FRMD4A: variants seen among roughly 807,000 people sequenced by gnomAD.
FRMD4A encodes the protein FERM domain-containing protein 4A.
FRMD4A carries 29 observed loss-of-function variants against 129.1 expected under a neutral mutation model. The ratio of observed to expected loss-of-function variants is 0.22; its 90% CI spans 0.17 to 0.31. The LOEUF is 0.31. Among genes scored for constraint, FRMD4A ranks in the 10% least tolerant of loss-of-function variants. FRMD4A has a pLI of 1.00. For synonymous variants in FRMD4A, 634 were observed against 571.6 expected (o/e 1.11, Z -1.56); for missense variants, 1,272 against 1,375.8 (o/e 0.92, Z 1.19).
At chr10:13,784,906 G>A (rs1006397507) in intron 5 of FRMD4A, among the ~76,000 whole-genome samples, 2 of 149,962 alleles carry the variant, frequency 1.3e-5, no homozygotes, top group Non-Finnish European at 2.9e-5. Context: ...CAGAAGAATC[G>A]CTTGAACCCA....
At chr10:13,999,465 A>T (rs939439447) in intron 2 of FRMD4A, among the ~76,000 whole-genome samples, 1 of 152,214 alleles carries the variant, frequency 6.6e-6, no homozygotes, top group Non-Finnish European at 1.5e-5. Context: ...ATTTTCTAGC[A>T]ATGATCAATA....
rs1554808602 is a variant in FRMD4A, at chr10:14,316,524, A to AAAG, written c.45+13531_45+13533dup. 5.5e-3 allele frequency among the ~76,000 whole-genome samples: 729 copies of AAAG among 132,618 alleles called. 121 individuals carry two copies. The highest frequency in any genetic ancestry group is 8.3e-3 in the East Asian group (37 of 4,440). The allele number at this position is 132,618 out of a possible 152,430, so 87.0% of individuals were successfully genotyped here. ...TGATAGCAGCAAAAAAAAAAAAAAA[A>AAAG]AAGAAGAAGAAGAAGAAGAAACCAG... On this transcript the variant is annotated intron_variant, in intron 2 of 24. Coordinates refer to ENST00000357447, the MANE Select transcript of FRMD4A (RefSeq NM_018027.5).
At chr10:13,975,318 G>A (rs2095538200) in intron 2 of FRMD4A, among the ~76,000 whole-genome samples, 1 of 151,760 alleles carries the variant, frequency 6.6e-6, no homozygotes, top group African/African-American at 2.4e-5. Context: ...GTATGTGTGT[G>A]TGTGCCTATC....
chr10:14,194,409 G>C (rs1842411272), intron 2 of FRMD4A, among the ~76,000 whole-genome samples: 1 of 152,196 alleles, frequency 6.6e-6, no homozygotes, highest in South Asian at 2.1e-4. Flanking sequence ...AGGAGATCGA[G>C]ACCATCCTGG....
intron 23 of FRMD4A, chr10:13,654,009 T>C (rs1589212898): frequency 6.2e-6 from 2 of 320,916 alleles, no homozygotes; most frequent in Admixed American, 9.0e-5. Context: ...ACACTGGCTG[T>C]TTCACCTGCC....
intron 2 of FRMD4A, among the ~76,000 whole-genome samples, chr10:13,907,671 A>C (rs2094896445): frequency 6.6e-6 from 1 of 152,210 alleles, no homozygotes; most frequent in Non-Finnish European, 1.5e-5. Context: ...AGGGACATTC[A>C]CAATGAGAAT....
intron 2 of FRMD4A, among the ~76,000 whole-genome samples, chr10:14,224,516 T>C (rs994380508): frequency 1.3e-5 from 2 of 152,246 alleles, no homozygotes; most frequent in African/African-American, 4.8e-5. Flanking sequence ...CCAGTTAATC[T>C]ATTTACCAGG....
chr10:13,762,524 AT>A, intron 7 of FRMD4A, 99 bp downstream of exon 7: 1 of 716,232 alleles, frequency 1.4e-6, no homozygotes, highest in Non-Finnish European at 2.5e-6. Context: ...AAGACGACAA[AT>A]AGTGAGTAGA....
chr10:14,247,447 G>A (rs555078547), intron 2 of FRMD4A, among the ~76,000 whole-genome samples: 2 of 152,092 alleles, frequency 1.3e-5, no homozygotes, highest in African/African-American at 2.4e-5. Context: ...TAAAATTCTT[G>A]CCATTTCCTT....
At chr10:13,856,815 C>T (rs1434367261) in intron 3 of FRMD4A, among the ~76,000 whole-genome samples, 2 of 152,152 alleles carry the variant, frequency 1.3e-5, no homozygotes, top group African/African-American at 4.8e-5. Flanking sequence ...TGAAAGCAGG[C>T]TGGCCAAGAG....
chr10:14,005,428 T>G (rs1419070448), intron 2 of FRMD4A, among the ~76,000 whole-genome samples: 1 of 152,162 alleles, frequency 6.6e-6, no homozygotes, highest in African/African-American at 2.4e-5. Context: ...CAGGATTTGG[T>G]GGATGTCTAA....
intron 2 of FRMD4A, among the ~76,000 whole-genome samples, chr10:13,993,596 A>G (rs2095611288): frequency 6.6e-6 from 1 of 152,170 alleles, no homozygotes; most frequent in African/African-American, 2.4e-5. Context: ...TTCTGTTTTA[A>G]CACCATCAAT....
chr10:13,729,147 C>T (rs2090141827), intron 12 of FRMD4A, among the ~76,000 whole-genome samples: 1 of 23,204 alleles, frequency 4.3e-5, no homozygotes, highest in Non-Finnish European at 1.4e-4. Context: ...GGAAAGCGTT[C>T]AGGTCCACTC....
chr10:14,092,140 C>T (rs1271385668), intron 2 of FRMD4A, among the ~76,000 whole-genome samples: 2 of 152,230 alleles, frequency 1.3e-5, no homozygotes, highest in East Asian at 1.9e-4. Context: ...CTTGAGTGGT[C>T]CCAAGCTTCA....
intron 15 of FRMD4A, among the ~76,000 whole-genome samples, chr10:13,689,049 C>A (rs180709419): frequency 1.1e-4 from 16 of 152,172 alleles, no homozygotes; most frequent in Admixed American, 4.6e-4. Flanking sequence ...TCTTCAGCAT[C>A]TGAGGCCTCA....
intron 4 of FRMD4A, among the ~76,000 whole-genome samples, chr10:13,805,460 C>T (rs1158057715): frequency 3.3e-5 from 5 of 150,380 alleles, no homozygotes; most frequent in Admixed American, 3.3e-4. Flanking sequence ...CCCAAAAAAT[C>T]AATCACAAAA....
chr10:13,722,994 G>T (rs149078292), intron 12 of FRMD4A, among the ~76,000 whole-genome samples: 98 of 152,128 alleles, frequency 6.4e-4, no homozygotes, highest in African/African-American at 2.3e-3. Context: ...ACATCCCTAT[G>T]CTGGTTAGCT....
chr10:14,228,893 G>A (rs1262725291), intron 2 of FRMD4A, among the ~76,000 whole-genome samples: 1 of 152,114 alleles, frequency 6.6e-6, no homozygotes, highest in Admixed American at 6.5e-5. Context: ...TGGATCAGAT[G>A]ATCCAAGGTT....
chr10:13,925,323 T>C (rs1795520095), intron 2 of FRMD4A, among the ~76,000 whole-genome samples: 2 of 152,212 alleles, frequency 1.3e-5, no homozygotes, highest in South Asian at 4.1e-4. Flanking sequence ...TTCCCTCTAA[T>C]CACCACTTCT....
Sources: gnomAD v4.1 joint callset for allele counts (sites outside exome capture counted in the v4.1 genomes callset) on GRCh38, gnomAD v4.1.1 for gene constraint, MANE v1.5 for transcripts, NCBI Gene and HGNC (gene_info 2026-07-23, HGNC 2026-07-21) for gene names.